FBXO42: variants seen among roughly 807,000 people sequenced by gnomAD.
The protein encoded by FBXO42 is F-box protein 42, also known as F-box only protein 42.
In FBXO42, 12 loss-of-function variants were observed where a neutral mutation model predicts 71.7. The ratio of observed to expected loss-of-function variants is 0.17; its 90% CI spans 0.11 to 0.27. The LOEUF is 0.27. Ranked by LOEUF, FBXO42 falls within the 10% of genes least tolerant of loss-of-function variation. The probability of loss-of-function intolerance (pLI) is 1.00; values close to 1 mark genes in which losing one functional copy is unlikely to be tolerated. For synonymous variants in FBXO42, 325 were observed against 327.5 expected, an observed-to-expected ratio of 0.99 and a Z score of 0.08; for missense variants, 707 against 911.9, an observed-to-expected ratio of 0.78 and a Z score of 2.89.
Position 16,276,493 on chromosome 1 carries a change from T to C in FBXO42, c.502+18290A>G, listed in dbSNP as rs374282393. ...CCAAACATTGAGCACGAGCCATGAA[T>C]TGGTCCATGGCACTACCAAGTGTCC... On this transcript the variant is annotated intron_variant, in intron 4 of 9. Coordinates refer to ENST00000375592, the MANE Select transcript of FBXO42 (RefSeq NM_018994.3). Among the ~76,000 whole-genome samples, 24 of 152,224 alleles carry C rather than the reference T, an allele frequency of 1.6e-4. 1 individual carries two copies. In the South Asian group the frequency reaches 4.8e-3, roughly 30 times the overall value.
chr1:16,350,757 A>AAAAAAAAG (rs1553156683), intron 1 of FBXO42, among the ~76,000 whole-genome samples: 1 of 44,248 alleles, frequency 2.3e-5, no homozygotes, highest in Non-Finnish European at 4.1e-5. Context: ...AAAAAAAAAA[A>AAAAAAAAG]AAAGAAAGAA....
chr1:16,305,976 T>C, intron 2 of FBXO42, 57 bp from the exon 3 acceptor site: 1 of 1,203,214 alleles, frequency 8.3e-7, no homozygotes, highest in Non-Finnish European at 1.2e-6. Context: ...CATCAAATTA[T>C]TAAAACTGTG....
intron 4 of FBXO42, chr1:16,292,881 T>A (rs1269871132): frequency 6.6e-6 from 1 of 152,196 alleles, no homozygotes; most frequent in Non-Finnish European, 1.5e-5. Context: ...GCTGAGAAGA[T>A]CTTCTATATT....
At chr1:16,329,840 T>C (rs1042531385) in intron 1 of FBXO42, among the ~76,000 whole-genome samples, 1 of 151,242 alleles carries the variant, frequency 6.6e-6, no homozygotes, top group Non-Finnish European at 1.5e-5. Flanking sequence ...GCCCAGCTAC[T>C]CGGGAGGCTG....
At chr1:16,262,257 A>G (rs890156787) in intron 4 of FBXO42, among the ~76,000 whole-genome samples, 4 of 152,164 alleles carry the variant, frequency 2.6e-5, no homozygotes, top group Non-Finnish European at 4.4e-5. Flanking sequence ...TCCTGAGCTC[A>G]AGCATTCCTC....
At chr1:16,256,539 A>G in intron 5 of FBXO42, 67 bp downstream of exon 5, 1 of 1,550,030 alleles carries the variant, frequency 6.5e-7, no homozygotes, top group Non-Finnish European at 8.8e-7. Flanking sequence ...TTGACACAAA[A>G]AAACAAAGAA....
chr1:16,259,024 C>T (rs2081680806), intron 4 of FBXO42, among the ~76,000 whole-genome samples: 1 of 152,224 alleles, frequency 6.6e-6, no homozygotes, highest in Admixed American at 6.5e-5. Flanking sequence ...ATAGGCATTA[C>T]CCACCTCACC....
At chr1:16,315,990 G>A (rs2082359655) in intron 1 of FBXO42, among the ~76,000 whole-genome samples, 1 of 151,850 alleles carries the variant, frequency 6.6e-6, no homozygotes, top group Non-Finnish European at 1.5e-5. Context: ...GACAAACATG[G>A]AGAAACCCCG....
rs190897242 is a variant in FBXO42 at position 16,324,943 on chromosome 1, G to A, written c.-17-9508C>T. Reference sequence around the variant, plus strand: ...AAACTGATATCCTTTGCCACTTACAGAATTACCTTTAGAGCTGGGTGCAGT... The same window carrying A: ...AAACTGATATCCTTTGCCACTTACAAAATTACCTTTAGAGCTGGGTGCAGT... On this transcript the variant is annotated intron_variant, in intron 1 of 9. Coordinates refer to ENST00000375592, the MANE Select transcript of FBXO42 (RefSeq NM_018994.3). 1.5e-4 allele frequency among the ~76,000 whole-genome samples: 23 copies of A among 152,120 alleles called. 1 individual carries two copies. The highest frequency in any genetic ancestry group is 9.8e-4 in the Admixed American group (15 of 15,252).
intron 4 of FBXO42, chr1:16,292,674 T>C (rs907383246): frequency 6.6e-6 from 1 of 152,028 alleles, no homozygotes; most frequent in Non-Finnish European, 1.5e-5. Flanking sequence ...AGCACAGTAG[T>C]TGGCAGAGGC....
intron 4 of FBXO42, among the ~76,000 whole-genome samples, chr1:16,281,563 G>C (rs1429119541): frequency 6.6e-6 from 1 of 150,976 alleles, no homozygotes; most frequent in African/African-American, 2.4e-5. Flanking sequence ...CTGCCTCCCA[G>C]GTTCAAGCAA....
chr1:16,263,683 G>A (rs928259227), intron 4 of FBXO42, among the ~76,000 whole-genome samples: 45 of 146,392 alleles, frequency 3.1e-4, no homozygotes, highest in Non-Finnish European at 6.4e-4. Context: ...AGATCGCACC[G>A]TTGCACTCCA....
chr1:16,334,817 T>A (rs920368690), intron 1 of FBXO42, among the ~76,000 whole-genome samples: 11 of 152,016 alleles, frequency 7.2e-5, no homozygotes, highest in African/African-American at 2.7e-4. Flanking sequence ...CAAACAGGTA[T>A]GCAAAAACAT....
At chr1:16,254,185 G>A (rs1013963075) in intron 6 of FBXO42, among the ~76,000 whole-genome samples, 4 of 152,050 alleles carry the variant, frequency 2.6e-5, no homozygotes, top group African/African-American at 7.2e-5. Context: ...CCACGTCTGC[G>A]GCCAGACACT....
At chr1:16,310,314 C>A (rs2082300413) in intron 2 of FBXO42, among the ~76,000 whole-genome samples, 1 of 151,132 alleles carries the variant, frequency 6.6e-6, no homozygotes, top group Non-Finnish European at 1.5e-5. Flanking sequence ...TGAGCTGAGA[C>A]TGCGCCACTG....
Position 16,248,723 on chromosome 1 carries a change from T to C in FBXO42, c.*1947A>G, listed in dbSNP as rs957276376. 13 of 152,212 alleles carry C rather than the reference T, an allele frequency of 8.5e-5. No homozygotes were observed. Among genetic ancestry groups the C allele is most frequent in the African/African-American group, 3.1e-4 (13 of 41,456 alleles). 9.4% of individuals were successfully genotyped at this position (152,212 alleles called of 1,614,324 possible). On this transcript the variant is annotated 3_prime_UTR_variant, in exon 10 of 10. Coordinates refer to ENST00000375592, the MANE Select transcript of FBXO42 (RefSeq NM_018994.3). ...TCGAACAGTCTTTGCCAAGCAAGGATTGGCAACAGCACCAGAGCCTGAGTC... is the reference window on the plus strand; with the variant it reads ...TCGAACAGTCTTTGCCAAGCAAGGACTGGCAACAGCACCAGAGCCTGAGTC...
In FBXO42 at chr1:16,343,363, G is replaced by A. The variant is rs538383807; in HGVS notation, c.-18+8892C>T. Among the ~76,000 whole-genome samples the A allele has an allele frequency of 9.9e-5, 15 of 151,218 alleles. No homozygotes were observed. The South Asian group carries it at 2.3e-3, about 23-fold the overall frequency. ...ATTCCAGACCAGCGTGGGCAACATGGCAAAACTCCATCTCTACAAAAAACA... is the reference window on the plus strand; with the variant it reads ...ATTCCAGACCAGCGTGGGCAACATGACAAAACTCCATCTCTACAAAAAACA... On this transcript the variant is annotated intron_variant, in intron 1 of 9. Transcript: ENST00000375592.
At chr1:16,257,711 C>T (rs1192233486) in intron 4 of FBXO42, among the ~76,000 whole-genome samples, 2 of 152,074 alleles carry the variant, frequency 1.3e-5, no homozygotes, top group Non-Finnish European at 2.9e-5. Context: ...GGTGGAGTCT[C>T]GCTTTGTCAC....
intron 5 of FBXO42, 120 bp downstream of exon 5, chr1:16,256,486 G>A: frequency 9.2e-7 from 1 of 1,081,674 alleles, no homozygotes; most frequent in Non-Finnish European, 1.3e-6. Flanking sequence ...TCCCCTCCTG[G>A]GAAAAGAGTC....
Sources: allele counts gnomAD v4.1 joint callset (sites outside exome capture counted in the v4.1 genomes callset), GRCh38; gene constraint gnomAD v4.1.1; transcripts MANE v1.5; gene names NCBI Gene and HGNC (gene_info 2026-07-23, HGNC 2026-07-21).